BRCA1: variants seen among roughly 807,000 people sequenced by gnomAD.
BRCA1 encodes the protein breast cancer type 1 susceptibility protein.
A neutral mutation model predicts 173.7 loss-of-function variants in BRCA1; 140 were observed. The ratio of observed to expected loss-of-function variants is 0.81; its 90% CI spans 0.70 to 0.93. The LOEUF is 0.93. Ranked by LOEUF, BRCA1 falls within the 40% of genes least tolerant of loss-of-function variation. BRCA1 has a pLI of 0.00. For synonymous variants in BRCA1, 662 were observed against 756.0 expected (o/e 0.88, Z 2.04); for missense variants, 1,983 against 2,172.5 (o/e 0.91, Z 1.73).
At chr17:43,082,382 G>C in intron 12 of BRCA1, 22 bp downstream of exon 12, 1 of 1,611,618 alleles carries the variant, frequency 6.2e-7, no homozygotes, top group Admixed American at 1.7e-5. Context: ...TAAGATATCA[G>C]TGTTTGGCCA....
At chr17:43,069,061 A>C (rs372105637) in intron 15 of BRCA1, among the ~76,000 whole-genome samples, 42 of 152,324 alleles carry the variant, frequency 2.8e-4, no homozygotes, top group African/African-American at 8.4e-4. Flanking sequence ...CGTGTTGCAC[A>C]ATACTGCCAT....
intron 20 of BRCA1, among the ~76,000 whole-genome samples, chr17:43,050,424 C>T (rs8176299): frequency 6.6e-5 from 10 of 151,528 alleles, no homozygotes; most frequent in African/African-American, 1.2e-4. Flanking sequence ...TTGGCTAACA[C>T]GGTGAAACCC....
intron 2 of BRCA1, among the ~76,000 whole-genome samples, chr17:43,121,585 A>C (rs2154571224): frequency 6.9e-6 from 1 of 145,898 alleles, no homozygotes; most frequent in Admixed American, 7.0e-5. Flanking sequence ...CCGGAGGCTG[A>C]GGCAGCAGAA....
At chr17:43,079,333 C>T (rs2052891476) in intron 12 of BRCA1, 1 of 1,592,490 alleles carries the variant, frequency 6.3e-7, no homozygotes, top group Non-Finnish European at 8.5e-7. Context: ...AGGAGAGGCA[C>T]CTGATATATG....
chr17:43,087,650 G>A (rs1217309738), intron 11 of BRCA1, among the ~76,000 whole-genome samples: 4 of 134,362 alleles, frequency 3.0e-5, no homozygotes, highest in Non-Finnish European at 4.7e-5. Flanking sequence ...CAACAAGAGT[G>A]AAACTCCATC....
intron 1 of BRCA1, among the ~76,000 whole-genome samples, chr17:43,149,686 G>A (rs2056148349): frequency 6.6e-6 from 1 of 152,208 alleles, no homozygotes; most frequent in African/African-American, 2.4e-5. Context: ...TAGGGTGAAG[G>A]CATAGCCAAA....
rs2055732014 is a variant in BRCA1, at chr17:43,124,056, A to T, written c.41T>A (p.Val14Asp). ...SALRVEEVQN[V>D]INAMQKILEC... ...TAAGATTTTCTGCATAGCATTAATGACATTTTGTACTTCTTCAACGCGAAG... is the reference window on the plus strand; with the variant it reads ...TAAGATTTTCTGCATAGCATTAATGTCATTTTGTACTTCTTCAACGCGAAG... The change falls in exon 2 of 23, where the codon GTC (valine) becomes GAC (aspartate). Residue 14 changes from valine to aspartate, a missense_variant. Transcript: ENST00000357654. 6.2e-7 allele frequency: 1 copy of T among 1,613,894 alleles called. No individual in the cohort carries two copies.
intron 12 of BRCA1, among the ~76,000 whole-genome samples, chr17:43,077,614 A>G (rs1309651743): frequency 6.6e-6 from 1 of 151,778 alleles, no homozygotes. Context: ...GATTACAGAC[A>G]TGAGCCACTG....
chr17:43,164,839 C>CT (rs891393985), intron 1 of BRCA1: 1 of 152,050 alleles, frequency 6.6e-6, no homozygotes, highest in South Asian at 2.1e-4. Flanking sequence ...TGCTAAAAGA[C>CT]TTTTAGTTTT....
chr17:43,076,698 A>G (rs1305943856), intron 12 of BRCA1, 84 bp from the exon 13 acceptor site: 1 of 1,531,610 alleles, frequency 6.5e-7, no homozygotes, highest in Admixed American at 1.7e-5. Flanking sequence ...ATTTTTTTCA[A>G]AAGCATCAAT....
chr17:43,157,283 T>C (rs1455024669), intron 1 of BRCA1, among the ~76,000 whole-genome samples: 1 of 152,236 alleles, frequency 6.6e-6, no homozygotes, highest in Non-Finnish European at 1.5e-5. Context: ...CCAGTCATGA[T>C]CAGGAATCAC....
intron 19 of BRCA1, among the ~76,000 whole-genome samples, chr17:43,054,128 C>T (rs761345513): frequency 2.6e-5 from 4 of 152,268 alleles, no homozygotes; most frequent in South Asian, 4.1e-4. Flanking sequence ...ATCCAAAGCA[C>T]TAGAATTTCT....
At chr17:43,110,227 T>C (rs1292210683) in intron 3 of BRCA1, among the ~76,000 whole-genome samples, 2 of 152,072 alleles carry the variant, frequency 1.3e-5, no homozygotes, top group African/African-American at 2.4e-5. Context: ...AAAGAATACA[T>C]GTATAAAGGT....
At chr17:43,084,142 T>C (rs1388053599) in intron 11 of BRCA1, among the ~76,000 whole-genome samples, 2 of 152,300 alleles carry the variant, frequency 1.3e-5, no homozygotes, top group East Asian at 3.9e-4. Flanking sequence ...GCCATTCTTC[T>C]GCTTCAGCCT....
At chr17:43,100,000 A>G in intron 6 of BRCA1, 120 bp from the exon 7 acceptor site, 1 of 819,538 alleles carries the variant, frequency 1.2e-6, no homozygotes. Flanking sequence ...GCTAACATGT[A>G]TGATGCCTGG....
At position 43,106,446 on chromosome 17, in the gene BRCA1, A is replaced by C. The variant is rs80358174; in HGVS notation, c.212+10T>G. 2 of 1,556,176 alleles carry C rather than the reference A, an allele frequency of 1.3e-6. No individual in the cohort carries two copies. The highest frequency in any genetic ancestry group is 1.7e-5 in the Admixed American group (1 of 59,330). On this transcript the variant is annotated intron_variant, in intron 4 of 22. Transcript: ENST00000357654. ...TGCTTCCAACCTAGCATCATTACCA[A>C]ATTATATACCTTTTGGTTATATCAT... is the stretch of plus-strand genomic sequence containing the variant.
chr17:43,137,354 C>T (rs2056034409), intron 1 of BRCA1, among the ~76,000 whole-genome samples: 1 of 150,908 alleles, frequency 6.6e-6, no homozygotes, highest in African/African-American at 2.4e-5. Flanking sequence ...TGCAGCACAC[C>T]AACATGACAC....
chr17:43,111,550 G>A (rs2055035064), intron 3 of BRCA1, among the ~76,000 whole-genome samples: 1 of 149,870 alleles, frequency 6.7e-6, no homozygotes, highest in Non-Finnish European at 1.5e-5. Context: ...AGCCGGGCGT[G>A]GTGGCTCACA....
intron 1 of BRCA1, among the ~76,000 whole-genome samples, chr17:43,137,908 C>T (rs1234538584): frequency 3.3e-5 from 5 of 151,850 alleles, no homozygotes; most frequent in Non-Finnish European, 7.4e-5. Context: ...CAAAATAGGC[C>T]GGGCGCGGTG....
Sources: gnomAD v4.1 joint callset for allele counts (sites outside exome capture counted in the v4.1 genomes callset) on GRCh38, gnomAD v4.1.1 for gene constraint, MANE v1.5 for transcripts, NCBI Gene and HGNC (gene_info 2026-07-23, HGNC 2026-07-21) for gene names.